Variants in POLR3B observed in about 807,000 individuals in gnomAD.
POLR3B encodes RNA polymerase III subunit B, also known as DNA-directed RNA polymerase III subunit RPC2.
In POLR3B, 96 loss-of-function variants were observed where a neutral mutation model predicts 147.4. The ratio of observed to expected loss-of-function variants is 0.65; its 90% CI spans 0.55 to 0.77. The LOEUF (loss-of-function observed/expected upper bound fraction) is 0.77. Among genes scored for constraint, POLR3B ranks in the 30% least tolerant of loss-of-function variants. The pLI is 0.00. For synonymous variants in POLR3B, 461 were observed against 485.9 expected (o/e 0.95, Z 0.67); for missense variants, 1,036 against 1,413.5 (o/e 0.73, Z 4.28).
intron 11 of POLR3B, among the ~76,000 whole-genome samples, chr12:106,406,752 G>T (rs914563331): frequency 2.0e-5 from 3 of 152,056 alleles, no homozygotes; most frequent in Non-Finnish European, 4.4e-5. Flanking sequence ...AACCATATTG[G>T]CATGTGGGGT....
At chr12:106,446,379 A>G in intron 19 of POLR3B, 1 of 373,368 alleles carries the variant, frequency 2.7e-6, no homozygotes, top group Non-Finnish European at 5.2e-6. Flanking sequence ...ACTTGAAAGA[A>G]AGAAATAATA....
chr12:106,443,153 G>A (rs1340847618), intron 18 of POLR3B, among the ~76,000 whole-genome samples: 1 of 152,006 alleles, frequency 6.6e-6, no homozygotes, highest in South Asian at 2.1e-4. Context: ...ATATCAACAG[G>A]TAATTAATAT....
intron 23 of POLR3B, among the ~76,000 whole-genome samples, chr12:106,478,626 A>G (rs983700781): frequency 6.6e-5 from 10 of 152,246 alleles, no homozygotes; most frequent in African/African-American, 2.4e-4. Flanking sequence ...TGGGGAAAAA[A>G]CAAGCAAACA....
In POLR3B at chr12:106,425,426, G is replaced by C. The variant is rs1458633163; in HGVS notation, c.1102-1771G>C. Among the ~76,000 whole-genome samples, 5 of 152,312 alleles carry C rather than the reference G, an allele frequency of 3.3e-5. No individual in the cohort carries two copies. In the East Asian group the frequency reaches 9.6e-4, roughly 29 times the overall value. On this transcript the variant is annotated intron_variant, in intron 12 of 27. Coordinates refer to ENST00000228347, the MANE Select transcript of POLR3B (RefSeq NM_018082.6). ...ACTGTAGGTGCAGAGTTTGTTGGGA[G>C]AGCCTGGGGGATTAGGGACAGACAG...
chr12:106,405,584 A>G (rs1169270041), intron 10 of POLR3B, among the ~76,000 whole-genome samples: 1 of 151,670 alleles, frequency 6.6e-6, no homozygotes, highest in African/African-American at 2.4e-5. Flanking sequence ...ACACACAAAT[A>G]TATTTTACTT....
chr12:106,413,490 A>T lies in POLR3B; in HGVS notation c.1101+2530A>T, dbSNP rs2037257102. 2.0e-5 allele frequency among the ~76,000 whole-genome samples: 3 copies of T among 152,074 alleles called. No homozygotes were observed. The South Asian group carries it at 6.2e-4, about 31-fold the overall frequency. On this transcript the variant is annotated intron_variant, in intron 12 of 27. Transcript: ENST00000228347. ...ATGCCATGTACCTTATAGGATTGTT[A>T]TGGGATTAGATGAATGATGTATACC...
chr12:106,426,986 T>C (rs987579351), intron 12 of POLR3B, among the ~76,000 whole-genome samples: 2 of 152,136 alleles, frequency 1.3e-5, no homozygotes, highest in African/African-American at 2.4e-5. Flanking sequence ...TATGTCATCA[T>C]CTTTGCTCTC....
chr12:106,502,744 G>A (rs1466162393), intron 26 of POLR3B, among the ~76,000 whole-genome samples: 2 of 152,152 alleles, frequency 1.3e-5, no homozygotes, highest in Admixed American at 6.5e-5. Context: ...GGGAAGAGAA[G>A]TTGATTCTCA....
At chr12:106,463,398 G>A (rs949967097) in intron 22 of POLR3B, 80 bp from the exon 23 acceptor site, 1 of 1,261,596 alleles carries the variant, frequency 7.9e-7, no homozygotes, top group African/African-American at 1.5e-5. Context: ...TGGTAGGCAT[G>A]AAATGAAATA....
chr12:106,395,231 A>G (rs2036964170), intron 10 of POLR3B, among the ~76,000 whole-genome samples: 2 of 152,156 alleles, frequency 1.3e-5, no homozygotes, highest in South Asian at 2.1e-4. Context: ...TTCCTCAAAA[A>G]AAGAAATACC....
At chr12:106,485,967 C>T (rs1249925832) in intron 23 of POLR3B, among the ~76,000 whole-genome samples, 1 of 152,050 alleles carries the variant, frequency 6.6e-6, no homozygotes, top group Non-Finnish European at 1.5e-5. Flanking sequence ...GGTACAGTTC[C>T]AGTTTGTGTT....
At chr12:106,435,497 G>A (rs1043629825) in intron 16 of POLR3B, among the ~76,000 whole-genome samples, 2 of 152,196 alleles carry the variant, frequency 1.3e-5, no homozygotes, top group African/African-American at 2.4e-5. Flanking sequence ...AAATTAGCCA[G>A]AATTGGTTTC....
At chr12:106,480,664 G>C (rs1051605669) in intron 23 of POLR3B, among the ~76,000 whole-genome samples, 4 of 152,188 alleles carry the variant, frequency 2.6e-5, no homozygotes, top group Admixed American at 6.5e-5. Flanking sequence ...GTATGGACTA[G>C]GGAATACAGA....
intron 11 of POLR3B, 151 bp from the exon 12 acceptor site, chr12:106,410,675 T>C (rs1235524891): frequency 2.9e-5 from 21 of 725,098 alleles, no homozygotes; most frequent in Non-Finnish European, 4.9e-5. Flanking sequence ...GCTCAGGAAA[T>C]TTCCAGACTA....
chr12:106,359,590 A>G (rs1312482440), intron 1 of POLR3B, among the ~76,000 whole-genome samples: 3 of 152,114 alleles, frequency 2.0e-5, no homozygotes, highest in South Asian at 2.1e-4. Context: ...CGGCCTCCCA[A>G]CGTGCTGGGA....
At chr12:106,401,031 C>A (rs1005899502) in intron 10 of POLR3B, among the ~76,000 whole-genome samples, 50 of 152,274 alleles carry the variant, frequency 3.3e-4, no homozygotes, top group African/African-American at 1.1e-3. Flanking sequence ...CTCAATGAAT[C>A]CAGCAGCTGG....
intron 1 of POLR3B, among the ~76,000 whole-genome samples, chr12:106,359,624 CGGCT>C (rs1565870908): frequency 6.6e-6 from 1 of 152,116 alleles, no homozygotes; most frequent in Non-Finnish European, 1.5e-5. Context: ...CCACCGTGCC[CGGCT>C]GCAAAACTGT....
At chr12:106,419,193 C>G (rs1002552448) in intron 12 of POLR3B, among the ~76,000 whole-genome samples, 1 of 152,146 alleles carries the variant, frequency 6.6e-6, no homozygotes, top group Non-Finnish European at 1.5e-5. Flanking sequence ...TTCTTTCTTT[C>G]CAAGAGTGAA....
intron 16 of POLR3B, 70 bp downstream of exon 16, chr12:106,433,942 T>G: frequency 7.6e-7 from 1 of 1,309,616 alleles, no homozygotes. Flanking sequence ...GAAATAGACT[T>G]GTTTTTATTT....
Sources: gnomAD v4.1 joint callset for allele counts (sites outside exome capture counted in the v4.1 genomes callset) on GRCh38, gnomAD v4.1.1 for gene constraint, MANE v1.5 for transcripts, NCBI Gene and HGNC (gene_info 2026-07-23, HGNC 2026-07-21) for gene names.